ZNF521: variants seen among roughly 807,000 people sequenced by gnomAD.
ZNF521 encodes the protein zinc finger protein 521, also known as LYST-interacting protein 3.
ZNF521 carries 14 observed loss-of-function variants against 105.5 expected under a neutral mutation model. The ratio of observed to expected loss-of-function variants is 0.13; its 90% CI spans 0.09 to 0.21. The LOEUF is 0.21. ZNF521 is among the 10% of genes least tolerant of loss of function. ZNF521 has a pLI of 1.00. For missense variants in ZNF521, 1,233 were observed against 1,629.7 expected (o/e 0.76, Z 4.19); for synonymous variants, 635 against 606.0 (o/e 1.05, Z -0.70).
intron 3 of ZNF521, chr18:25,302,363 G>C (rs1339509236): frequency 6.6e-6 from 1 of 152,208 alleles, no homozygotes; most frequent in Non-Finnish European, 1.5e-5. Flanking sequence ...CAAGCTAGCA[G>C]TGGTAGGCTA....
chr18:25,111,101 C>T (rs1205124111), intron 5 of ZNF521, among the ~76,000 whole-genome samples: 1 of 151,958 alleles, frequency 6.6e-6, no homozygotes, highest in Non-Finnish European at 1.5e-5. Flanking sequence ...TTACTGCCTG[C>T]TAGTGTTCTA....
chr18:25,120,718 T>C (rs1433669366), intron 5 of ZNF521, among the ~76,000 whole-genome samples: 1 of 152,078 alleles, frequency 6.6e-6, no homozygotes, highest in Admixed American at 6.6e-5. Flanking sequence ...AAAAAAGGAA[T>C]AAAAATCAAA....
chr18:25,078,282 T>C (rs1029397947), intron 7 of ZNF521, among the ~76,000 whole-genome samples: 2 of 152,226 alleles, frequency 1.3e-5, no homozygotes, highest in Admixed American at 1.3e-4. Flanking sequence ...TCACCTGTCA[T>C]GGAGTTTGTC....
At chr18:25,294,978 C>T (rs1165879528) in intron 3 of ZNF521, among the ~76,000 whole-genome samples, 1 of 150,738 alleles carries the variant, frequency 6.6e-6, no homozygotes, top group Admixed American at 6.6e-5. Context: ...CGAAATATAC[C>T]TACATAAAAA....
intron 5 of ZNF521, among the ~76,000 whole-genome samples, chr18:25,180,609 T>A (rs1194936469): frequency 6.6e-6 from 1 of 152,022 alleles, no homozygotes; most frequent in Non-Finnish European, 1.5e-5. Flanking sequence ...TTAGAAGCAA[T>A]CTTTTCATAA....
chr18:25,073,791 T>C (rs549110569), intron 7 of ZNF521, among the ~76,000 whole-genome samples: 1 of 152,224 alleles, frequency 6.6e-6, no homozygotes, highest in South Asian at 2.1e-4. Context: ...ATTTCTTTTA[T>C]TAAAAACACT....
chr18:25,346,828 C>T (rs1914482963), intron 2 of ZNF521, among the ~76,000 whole-genome samples: 1 of 152,166 alleles, frequency 6.6e-6, no homozygotes, highest in South Asian at 2.1e-4. Context: ...GGTTTATGAA[C>T]ACCTGAGGGT....
At chr18:25,333,523 A>C (rs574463846) in intron 2 of ZNF521, among the ~76,000 whole-genome samples, 11 of 151,118 alleles carry the variant, frequency 7.3e-5, no homozygotes, top group African/African-American at 2.4e-4. Flanking sequence ...AACACCACCC[A>C]AAAAAAAAGT....
intron 5 of ZNF521, among the ~76,000 whole-genome samples, chr18:25,141,276 G>T (rs187893462): frequency 6.6e-6 from 1 of 152,248 alleles, no homozygotes; most frequent in Non-Finnish European, 1.5e-5. Context: ...TTTGTTTCAT[G>T]AAAAAAGTTA....
intron 5 of ZNF521, among the ~76,000 whole-genome samples, chr18:25,153,967 T>A (rs879595994): frequency 1.8e-4 from 28 of 152,282 alleles, no homozygotes; most frequent in Non-Finnish European, 3.8e-4. Context: ...AAATCAGGAA[T>A]AGGGCAAAAG....
chr18:25,102,507 CTATA>C (rs71375166), intron 5 of ZNF521, among the ~76,000 whole-genome samples: 7 of 150,328 alleles, frequency 4.7e-5, no homozygotes, highest in Non-Finnish European at 1.0e-4. Context: ...AAAATTGAGA[CTATA>C]TATATATATA....
At chr18:25,112,895 T>C (rs780347018) in intron 5 of ZNF521, among the ~76,000 whole-genome samples, 8 of 152,124 alleles carry the variant, frequency 5.3e-5, no homozygotes, top group Non-Finnish European at 1.2e-4. Flanking sequence ...TCCAGTGCTA[T>C]ATCCATATGT....
At chr18:25,068,204 A>C (rs916052847) in intron 7 of ZNF521, among the ~76,000 whole-genome samples, 32 of 152,222 alleles carry the variant, frequency 2.1e-4, no homozygotes, top group African/African-American at 7.7e-4. Context: ...GAAATAAAGA[A>C]ATATAAAGAT....
intron 4 of ZNF521, among the ~76,000 whole-genome samples, chr18:25,198,157 A>G (rs2035933615): frequency 6.6e-6 from 1 of 151,688 alleles, no homozygotes; most frequent in Non-Finnish European, 1.5e-5. Flanking sequence ...TAAATGTGCT[A>G]CTTGGGAGTG....
chr18:25,322,566 G>A (rs1237159453), intron 2 of ZNF521, among the ~76,000 whole-genome samples: 8 of 143,346 alleles, frequency 5.6e-5, no homozygotes, highest in African/African-American at 2.0e-4. Context: ...CCCCCACTGT[G>A]CTTAAGAATG....
intron 5 of ZNF521, among the ~76,000 whole-genome samples, chr18:25,166,875 G>A (rs776950871): frequency 2.0e-5 from 3 of 152,086 alleles, no homozygotes; most frequent in African/African-American, 2.4e-5. Flanking sequence ...GATTTAGTTC[G>A]TACATTAATA....
At chr18:25,174,257 C>G (rs887973624) in intron 5 of ZNF521, among the ~76,000 whole-genome samples, 7 of 152,124 alleles carry the variant, frequency 4.6e-5, no homozygotes, top group African/African-American at 1.7e-4. Context: ...AGTTTCCTTT[C>G]GAGGAGCACT....
At chr18:25,214,958 G>C (rs371254231) in intron 4 of ZNF521, among the ~76,000 whole-genome samples, 2 of 152,210 alleles carry the variant, frequency 1.3e-5, no homozygotes, top group South Asian at 2.1e-4. Context: ...GCAGAATGAC[G>C]AGGCGAAAGA....
Position 25,337,388 on chromosome 18 carries a change from T to C in ZNF521, c.40+13519A>G, listed in dbSNP as rs553424602. ...TCAAAAGGCAAACTGGGGAAAATATTTGCAACACATAAGTCAGGCAAAGAG... is the reference window on the plus strand; with the variant it reads ...TCAAAAGGCAAACTGGGGAAAATATCTGCAACACATAAGTCAGGCAAAGAG... On this transcript the variant is annotated intron_variant, in intron 2 of 7. Transcript: ENST00000361524. 7.9e-5 allele frequency among the ~76,000 whole-genome samples: 12 copies of C among 152,258 alleles called. No homozygotes were observed. In the East Asian group the frequency reaches 1.4e-3, roughly 17 times the overall value.
Sources: allele counts gnomAD v4.1 joint callset (sites outside exome capture counted in the v4.1 genomes callset), GRCh38; gene constraint gnomAD v4.1.1; transcripts MANE v1.5; gene names NCBI Gene and HGNC (gene_info 2026-07-23, HGNC 2026-07-21).